AGPS: variants seen among roughly 807,000 people sequenced by gnomAD.
The protein encoded by AGPS is alkyldihydroxyacetonephosphate synthase, peroxisomal.
Under a neutral mutation model 90.7 loss-of-function variants are expected in AGPS, and 26 were observed. The ratio of observed to expected loss-of-function variants is 0.29; its 90% confidence interval spans 0.21 to 0.40. The LOEUF is 0.40. Ranked by LOEUF, AGPS falls within the 10% of genes least tolerant of loss-of-function variation. AGPS has a pLI of 1.00. For synonymous variants in AGPS, 294 were observed against 285.3 expected (o/e 1.03, Z -0.31); for missense variants, 540 against 816.1 (o/e 0.66, Z 4.12).
intron 1 of AGPS, among the ~76,000 whole-genome samples, chr2:177,413,998 C>G (rs1184135249): frequency 1.3e-5 from 2 of 152,074 alleles, no homozygotes; most frequent in African/African-American, 4.8e-5. Flanking sequence ...TTAGTGACTG[C>G]CCAGAGTATT....
At chr2:177,467,424 C>G (rs1274325041) in intron 9 of AGPS, among the ~76,000 whole-genome samples, 1 of 152,026 alleles carries the variant, frequency 6.6e-6, no homozygotes, top group Admixed American at 6.5e-5. Context: ...GTATATACAT[C>G]TTTAATCATT....
At position 177,507,888 on chromosome 2, in the gene AGPS, A is replaced by C. The variant is rs1436509824; in HGVS notation, c.1546-82A>C. On this transcript the variant is annotated intron_variant, in intron 15 of 19. Coordinates refer to ENST00000264167, the MANE Select transcript of AGPS (RefSeq NM_003659.4). ...TAAATGAGAAACATGTGATACTAAC[A>C]ATGAATATGAAAGACTAACAGTGTT... is the stretch of plus-strand genomic sequence containing the variant. The C allele has an allele frequency of 1.8e-5, 18 of 977,096 alleles. No homozygotes were observed. In the Admixed American group the frequency reaches 1.9e-4, roughly 10 times the overall value. The allele number at this position is 977,096 out of a possible 1,614,324, so 60.5% of individuals were successfully genotyped here. A position where few individuals can be genotyped will look rare whatever the true frequency, so the allele number is the denominator to read the frequency against.
At chr2:177,524,217 C>T (rs184759826) in intron 19 of AGPS, among the ~76,000 whole-genome samples, 1 of 152,236 alleles carries the variant, frequency 6.6e-6, no homozygotes, top group East Asian at 1.9e-4. Flanking sequence ...GTTTGTTCTG[C>T]CCACCCAAAG....
intron 1 of AGPS, among the ~76,000 whole-genome samples, chr2:177,401,238 CTTAT>C (rs1358077238): frequency 1.3e-5 from 2 of 152,224 alleles, no homozygotes; most frequent in Admixed American, 6.5e-5. Flanking sequence ...TTCTCTAGAA[CTTAT>C]TTATCTGGGC....
At chr2:177,403,894 A>G (rs1450910474) in intron 1 of AGPS, among the ~76,000 whole-genome samples, 2 of 152,206 alleles carry the variant, frequency 1.3e-5, no homozygotes, top group Non-Finnish European at 2.9e-5. Flanking sequence ...GTGTTTCCCT[A>G]TTATAGAGAA....
chr2:177,405,566 C>G (rs1685443603), intron 1 of AGPS, among the ~76,000 whole-genome samples: 1 of 152,132 alleles, frequency 6.6e-6, no homozygotes, highest in South Asian at 2.1e-4. Flanking sequence ...AAGGCCTTAA[C>G]AGCCATGAAT....
chr2:177,441,075 G>T (rs758609275), intron 6 of AGPS, 39 bp downstream of exon 6: 2 of 1,472,042 alleles, frequency 1.4e-6, no homozygotes, highest in Non-Finnish European at 1.9e-6. Flanking sequence ...ATGTAAATTT[G>T]TTCTATTTAA....
chr2:177,524,513 C>T (rs1468622208), intron 19 of AGPS, among the ~76,000 whole-genome samples: 1 of 152,088 alleles, frequency 6.6e-6, no homozygotes, highest in Non-Finnish European at 1.5e-5. Context: ...TAATATATCC[C>T]TCAATATAAT....
chr2:177,403,871 A>G (rs1315138677), intron 1 of AGPS, among the ~76,000 whole-genome samples: 3 of 152,200 alleles, frequency 2.0e-5, no homozygotes, highest in Non-Finnish European at 4.4e-5. Context: ...GGACGGTGTT[A>G]TATTTGTTTC....
At chr2:177,442,522 C>G in intron 7 of AGPS, 36 bp downstream of exon 7, 1 of 1,464,260 alleles carries the variant, frequency 6.8e-7, no homozygotes, top group Non-Finnish European at 9.5e-7. Flanking sequence ...AAAACATTTT[C>G]TTTATTGGCT....
intron 14 of AGPS, among the ~76,000 whole-genome samples, chr2:177,504,965 A>G (rs1265589760): frequency 6.6e-6 from 1 of 152,098 alleles, no homozygotes; most frequent in Non-Finnish European, 1.5e-5. Flanking sequence ...GATAGTTTAT[A>G]TGTTCATAGT....
chr2:177,489,279 T>G lies in AGPS; in HGVS notation c.1234-3869T>G, dbSNP rs558412877. The stretch of plus-strand genomic sequence containing the variant: ...TTTTGTATTTTTAGTCGAGACAGGA[T>G]TTCACTGTGTTAGCCAGGATGGTCT... On this transcript the variant is annotated intron_variant, in intron 11 of 19. Transcript: ENST00000264167. Among the ~76,000 whole-genome samples the G allele has an allele frequency of 1.6e-3, 237 of 152,228 alleles. 2 individuals carry two copies. The highest frequency in any genetic ancestry group is 5.4e-3 in the African/African-American group (226 of 41,522).
intron 16 of AGPS, among the ~76,000 whole-genome samples, chr2:177,512,431 A>T (rs1250680416): frequency 6.6e-6 from 1 of 152,218 alleles, no homozygotes; most frequent in Non-Finnish European, 1.5e-5. Flanking sequence ...AAAAAATGTG[A>T]CATGCTAATA....
intron 11 of AGPS, among the ~76,000 whole-genome samples, chr2:177,487,052 A>G (rs1688115589): frequency 6.6e-6 from 1 of 152,186 alleles, no homozygotes; most frequent in South Asian, 2.1e-4. Context: ...TAATCAGCAT[A>G]TCAGTGTTAG....
intron 16 of AGPS, among the ~76,000 whole-genome samples, chr2:177,513,177 C>G (rs1474338443): frequency 6.6e-6 from 1 of 152,122 alleles, no homozygotes; most frequent in African/African-American, 2.4e-5. Flanking sequence ...TCACTGTAGT[C>G]CTGCCCTCCT....
At chr2:177,537,616 G>A (rs2079195409) in intron 19 of AGPS, among the ~76,000 whole-genome samples, 1 of 152,038 alleles carries the variant, frequency 6.6e-6, no homozygotes, top group South Asian at 2.1e-4. Context: ...AAGCCTTTAT[G>A]TTCGTTAAAA....
chr2:177,494,271 A>G (rs954644894), intron 12 of AGPS, among the ~76,000 whole-genome samples: 1 of 152,210 alleles, frequency 6.6e-6, no homozygotes, highest in Admixed American at 6.5e-5. Flanking sequence ...CAGGTTCGTA[A>G]CATATTAAGA....
At chr2:177,422,040 A>T (rs1685955060) in intron 2 of AGPS, among the ~76,000 whole-genome samples, 1 of 152,102 alleles carries the variant, frequency 6.6e-6, no homozygotes, top group African/African-American at 2.4e-5. Flanking sequence ...GTCATAAAAC[A>T]TCACAGGTAA....
intron 1 of AGPS, among the ~76,000 whole-genome samples, chr2:177,406,848 T>G (rs2105592844): frequency 6.6e-6 from 1 of 152,368 alleles, no homozygotes; most frequent in Admixed American, 6.5e-5. Flanking sequence ...GCTTATTAGA[T>G]GGGAAAATCC....
Sources: gnomAD v4.1 joint callset for allele counts (sites outside exome capture counted in the v4.1 genomes callset) on GRCh38, gnomAD v4.1.1 for gene constraint, MANE v1.5 for transcripts, NCBI Gene and HGNC (gene_info 2026-07-23, HGNC 2026-07-21) for gene names.